The following ANKRD36C variants were observed in gnomAD, a reference collection of about 807,000 sequenced individuals.
ANKRD36C encodes ankyrin repeat domain 36C.
Under a neutral mutation model 276.4 loss-of-function variants are expected in ANKRD36C, and 61 were observed. The observed-to-expected ratio is 0.22, with a 90% CI of 0.18 to 0.27. The LOEUF (loss-of-function observed/expected upper bound fraction) is 0.27. ANKRD36C is among the 10% of genes least tolerant of loss of function. The probability of loss-of-function intolerance (pLI) is 1.00; values close to 1 mark genes in which losing one functional copy is unlikely to be tolerated. For missense variants in ANKRD36C, 1,447 were observed against 2,032.3 expected, an observed-to-expected ratio of 0.71 and a Z score of 5.54; for synonymous variants, 483 against 680.1, an observed-to-expected ratio of 0.71 and a Z score of 4.51.
chr2:95,857,276 A>T (rs969882488), intron 62 of ANKRD36C, 33 bp downstream of exon 82: 2 of 1,580,898 alleles, frequency 1.3e-6, no homozygotes, highest in African/African-American at 2.7e-5. Flanking sequence ...TAATAAGAGT[A>T]GAAATATGAA....
At chr2:95,911,853 T>C (rs534286459) in intron 42 of ANKRD36C, among the ~76,000 whole-genome samples, 21 of 151,588 alleles carry the variant, frequency 1.4e-4, no homozygotes, top group Admixed American at 3.3e-4. Context: ...ACAGTGTCTA[T>C]GGGTTATTAT....
At chr2:95,885,759 GTAGAATTA>G (rs1224020562) in intron 52 of ANKRD36C, among the ~76,000 whole-genome samples, 3 of 151,770 alleles carry the variant, frequency 2.0e-5, no homozygotes, top group African/African-American at 7.3e-5. Context: ...GAAACTTGCT[GTAGAATTA>G]AAGCAAAATG....
chr2:95,880,268 T>A (rs1676047190), intron 58 of ANKRD36C, among the ~76,000 whole-genome samples, 159 bp downstream of exon 78: 1 of 152,244 alleles, frequency 6.6e-6, no homozygotes, highest in African/African-American at 2.4e-5. Flanking sequence ...CATGTAAATC[T>A]CATTTTTGAA....
At chr2:95,977,696 G>GAA (rs1678842120) in intron 6 of ANKRD36C, among the ~76,000 whole-genome samples, 1 of 152,006 alleles carries the variant, frequency 6.6e-6, no homozygotes, top group Non-Finnish European at 1.5e-5. Flanking sequence ...ATGGGGATTG[G>GAA]CAGCACTAAA....
chr2:95,928,768 G>A (rs200908701), intron 26 of ANKRD36C, among the ~76,000 whole-genome samples: 1 of 151,262 alleles, frequency 6.6e-6, no homozygotes. Flanking sequence ...TCCCCTCTTG[G>A]TGGAAACATG....
intron 6 of ANKRD36C, among the ~76,000 whole-genome samples, chr2:95,975,179 A>G (rs975657543): frequency 1.3e-5 from 2 of 152,214 alleles, no homozygotes; most frequent in African/African-American, 4.8e-5. Flanking sequence ...GGAAGAATCA[A>G]TATCGTGAAA....
Position 95,917,792 on chromosome 2 carries a change from A to C in ANKRD36C, c.2347+63T>G, listed in dbSNP as rs182695009. ...CCAACCGCCCTCCGCTGATTTATTC[A>C]GGGTAGAGAAGTTCTTTTCTATCTG... On this transcript the variant is annotated intron_variant, in intron 36 of 66. Coordinates refer to ENST00000456556, the Ensembl canonical transcript of ANKRD36C. The C allele has an allele frequency of 2.8e-4, 433 of 1,536,478 alleles. 3 individuals are homozygous for C. The African/African-American group carries it at 5.2e-3, about 18-fold the overall frequency.
At chr2:95,889,420 CT>C (rs1438698733) in intron 48 of ANKRD36C, among the ~76,000 whole-genome samples, 1 of 151,532 alleles carries the variant, frequency 6.6e-6, no homozygotes, top group African/African-American at 2.4e-5. Flanking sequence ...ATTAGGATCA[CT>C]TTTCCCTCTG....
chr2:95,965,854 A>G (rs1678576764), intron 6 of ANKRD36C, among the ~76,000 whole-genome samples: 1 of 152,132 alleles, frequency 6.6e-6, no homozygotes, highest in African/African-American at 2.4e-5. Flanking sequence ...CTTTTCTACA[A>G]GGTTTTAATA....
chr2:95,976,601 T>C (rs980422903), intron 6 of ANKRD36C, among the ~76,000 whole-genome samples: 1 of 152,152 alleles, frequency 6.6e-6, no homozygotes, highest in Non-Finnish European at 1.5e-5. Context: ...GCACATGTAC[T>C]CAGAAGTCAA....
intron 6 of ANKRD36C, among the ~76,000 whole-genome samples, chr2:95,969,502 G>C (rs1231314779): frequency 1.3e-5 from 2 of 152,090 alleles, no homozygotes; most frequent in Admixed American, 6.6e-5. Context: ...TTACATCCCA[G>C]TCTGCCCAAG....
intron 60 of ANKRD36C, among the ~76,000 whole-genome samples, chr2:95,860,769 A>C (rs950543434): frequency 4.6e-4 from 70 of 152,240 alleles, no homozygotes; most frequent in Non-Finnish European, 7.6e-4. Flanking sequence ...GGGGTGATGA[A>C]GCTGAGAGGC....
chr2:95,875,788 C>G (rs1210329101), intron 59 of ANKRD36C, among the ~76,000 whole-genome samples: 3 of 151,906 alleles, frequency 2.0e-5, no homozygotes, highest in African/African-American at 7.3e-5. Context: ...GGCTTAAGTT[C>G]TAAGGTCTAC....
In ANKRD36C at chr2:95,903,278, G is replaced by C. The variant is rs185985709; in HGVS notation, c.2654-3942C>G. 2.1e-4 allele frequency among the ~76,000 whole-genome samples: 32 copies of C among 150,554 alleles called. 1 individual carries two copies. The East Asian group carries it at 4.5e-3, about 21-fold the overall frequency. ...GGGAATACAGGCTCCACGAAATATAGTCTTAGAATTTCAAACATGGTATGA... is the reference window on the plus strand; with the variant it reads ...GGGAATACAGGCTCCACGAAATATACTCTTAGAATTTCAAACATGGTATGA... On this transcript the variant is annotated intron_variant, in intron 42 of 66. Coordinates refer to ENST00000456556, the Ensembl canonical transcript of ANKRD36C.
intron 6 of ANKRD36C, among the ~76,000 whole-genome samples, chr2:95,972,240 G>A (rs966087018): frequency 6.6e-6 from 1 of 152,136 alleles, no homozygotes; most frequent in Non-Finnish European, 1.5e-5. Context: ...TAAACAATGT[G>A]GTTGACTCTG....
At chr2:95,910,817 A>G (rs1366633341) in intron 42 of ANKRD36C, among the ~76,000 whole-genome samples, 1 of 151,434 alleles carries the variant, frequency 6.6e-6, no homozygotes, top group African/African-American at 2.4e-5. Context: ...AACTAAAATA[A>G]AACCGTGTCA....
chr2:95,903,449 A>C (rs1038291979), intron 42 of ANKRD36C, among the ~76,000 whole-genome samples: 2 of 150,882 alleles, frequency 1.3e-5, no homozygotes, highest in Non-Finnish European at 3.0e-5. Flanking sequence ...GATCCCACTT[A>C]CCTTTCATGC....
downstream of ANKRD36C, among the ~76,000 whole-genome samples, chr2:95,850,636 G>A (rs557881680): frequency 1.0e-4 from 16 of 152,394 alleles, no homozygotes; most frequent in East Asian, 2.9e-3. Context: ...GAACCACACT[G>A]ATGTGAGAGT....
chr2:95,936,384 G>T (rs1204181970), intron 22 of ANKRD36C, among the ~76,000 whole-genome samples: 1 of 150,928 alleles, frequency 6.6e-6, no homozygotes, highest in African/African-American at 2.4e-5. Flanking sequence ...TAATACTCAA[G>T]AAATATATTT....
Sources: gnomAD v4.1 joint callset for allele counts (sites outside exome capture counted in the v4.1 genomes callset) on GRCh38, gnomAD v4.1.1 for gene constraint, MANE v1.5 for transcripts, NCBI Gene and HGNC (gene_info 2026-07-23, HGNC 2026-07-21) for gene names.